The following SPAST variants were observed in gnomAD, a reference collection of about 807,000 sequenced individuals.
The protein encoded by SPAST is spastic paraplegia 4 (autosomal dominant; spastin).
In SPAST, 30 loss-of-function variants were observed where a neutral mutation model predicts 76.6. The ratio of observed to expected loss-of-function variants is 0.39; its 90% CI spans 0.29 to 0.53. The LOEUF (loss-of-function observed/expected upper bound fraction) is 0.53, where lower values mean the gene tolerates loss of function less well. SPAST is among the 20% of genes least tolerant of loss of function. The pLI is 0.68. For missense variants in SPAST, 717 were observed against 770.5 expected, an observed-to-expected ratio of 0.93 and a Z score of 0.82; for synonymous variants, 305 against 281.0, an observed-to-expected ratio of 1.09 and a Z score of -0.86.
chr2:32,076,461 A>G (rs960210542), intron 1 of SPAST, among the ~76,000 whole-genome samples: 3 of 152,064 alleles, frequency 2.0e-5, no homozygotes, highest in African/African-American at 7.2e-5. Flanking sequence ...GCCTCAAGCA[A>G]TCCTCCTACC....
At chr2:32,113,432 T>C (rs1353861002) in intron 4 of SPAST, among the ~76,000 whole-genome samples, 1 of 152,062 alleles carries the variant, frequency 6.6e-6, no homozygotes, top group Non-Finnish European at 1.5e-5. Context: ...CAGACTTTCA[T>C]AGTGTTTATA....
chr2:32,119,590 G>A (rs1678949782), intron 7 of SPAST, among the ~76,000 whole-genome samples: 1 of 152,160 alleles, frequency 6.6e-6, no homozygotes, highest in African/African-American at 2.4e-5. Context: ...AGCCCTGGAA[G>A]GAGATATTGA....
chr2:32,119,593 G>T (rs1277101074), intron 7 of SPAST, among the ~76,000 whole-genome samples: 1 of 152,176 alleles, frequency 6.6e-6, no homozygotes, highest in Non-Finnish European at 1.5e-5. Flanking sequence ...CCTGGAAGGA[G>T]ATATTGAAAA....
chr2:32,156,457 GAAA>G lies in SPAST; in HGVS notation c.*1967_*1969del. 6.6e-6 allele frequency: 1 copy of G among 151,924 alleles called. No homozygotes were observed. The highest frequency in any genetic ancestry group is 3.2e-3 in the Middle Eastern group (1 of 316). 9.4% of individuals were successfully genotyped at this position (151,924 alleles called of 1,614,324 possible). A position where few individuals can be genotyped will look rare whatever the true frequency, so the allele number is the denominator to read the frequency against. On this transcript the variant is annotated 3_prime_UTR_variant, in exon 17 of 17. Coordinates refer to ENST00000315285, the MANE Select transcript of SPAST (RefSeq NM_014946.4). ...AAAATGAGAGTTGAGATAAATAGGG[GAAA>G]AAAAATTTTTTTCAAGCCAGAGCTA...
At chr2:32,145,451 C>A (rs779828223) in intron 15 of SPAST, among the ~76,000 whole-genome samples, 8 of 152,176 alleles carry the variant, frequency 5.3e-5, no homozygotes, top group Non-Finnish European at 8.8e-5. Context: ...AGCCAGTAGA[C>A]TGTGACCCCT....
intron 4 of SPAST, 73 bp downstream of exon 4, chr2:32,098,964 G>A (rs1011818799): frequency 1.0e-6 from 1 of 996,554 alleles, no homozygotes; most frequent in African/African-American, 1.6e-5. Context: ...ACCTGATAAT[G>A]TTGATTTGAT....
intron 1 of SPAST, among the ~76,000 whole-genome samples, chr2:32,065,689 TA>T (rs2148687426): frequency 6.6e-6 from 1 of 152,342 alleles, no homozygotes; most frequent in South Asian, 2.1e-4. Flanking sequence ...CTCAATTAGA[TA>T]CTCACTTGCA....
chr2:32,104,276 C>G (rs188135261), intron 4 of SPAST, among the ~76,000 whole-genome samples: 78 of 152,012 alleles, frequency 5.1e-4, no homozygotes, highest in African/African-American at 1.7e-3. Context: ...GATTGCAAAC[C>G]CTGCTTTTTT....
At position 32,094,302 on chromosome 2, in the gene SPAST, T is replaced by G. The variant is rs577823262; in HGVS notation, c.587-4494T>G. Among the ~76,000 whole-genome samples, 377 of 152,136 alleles carry G rather than the reference T, an allele frequency of 2.5e-3. 6 individuals carry two copies. The South Asian group carries it at 0.036, about 14-fold the overall frequency. The stretch of plus-strand genomic sequence containing the variant: ...GGCGTGATCTCGGCTCACTGCAACC[T>G]CTGCCTCCCGGGTTCAAGCGATTAT... On this transcript the variant is annotated intron_variant, in intron 3 of 16. Transcript: ENST00000315285.
intron 13 of SPAST, among the ~76,000 whole-genome samples, chr2:32,142,481 C>T (rs999802278): frequency 2.6e-5 from 4 of 152,078 alleles, no homozygotes; most frequent in Admixed American, 6.6e-5. Context: ...GTGGCGTGAT[C>T]TCGGCTCACT....
At chr2:32,152,813 T>C (rs1405088902) in intron 16 of SPAST, among the ~76,000 whole-genome samples, 1 of 151,828 alleles carries the variant, frequency 6.6e-6, no homozygotes, top group African/African-American at 2.4e-5. Flanking sequence ...ATTGGCATGC[T>C]CATGGCTCAC....
intron 3 of SPAST, among the ~76,000 whole-genome samples, chr2:32,090,053 C>T (rs1415529393): frequency 1.3e-5 from 2 of 152,230 alleles, no homozygotes; most frequent in Non-Finnish European, 2.9e-5. Context: ...CGTGAGCCAA[C>T]GCGCCCAGCC....
At chr2:32,074,370 G>A (rs1036641319) in intron 1 of SPAST, among the ~76,000 whole-genome samples, 5 of 152,114 alleles carry the variant, frequency 3.3e-5, no homozygotes, top group African/African-American at 1.2e-4. Context: ...GAGTGGTCTT[G>A]TTCCACCGTG....
chr2:32,069,551 C>CTT (rs36023742), intron 1 of SPAST, among the ~76,000 whole-genome samples: 1,458 of 139,486 alleles, frequency 0.01, 29 homozygotes, highest in South Asian at 0.036. Flanking sequence ...CATGACTTAT[C>CTT]TTTTTTTTTT....
chr2:32,107,742 A>C (rs1299384822), intron 4 of SPAST, among the ~76,000 whole-genome samples: 1 of 152,120 alleles, frequency 6.6e-6, no homozygotes. Context: ...CTCAACCCAT[A>C]ATCTTTTCTT....
chr2:32,098,945 TCTTA>T (rs369382255), intron 4 of SPAST, 54 bp downstream of exon 4: 30 of 1,165,796 alleles, frequency 2.6e-5, no homozygotes, highest in African/African-American at 2.6e-4. Context: ...AAAGTAAGAG[TCTTA>T]CTTAACCTGA....
At chr2:32,072,999 G>C (rs750827254) in intron 1 of SPAST, among the ~76,000 whole-genome samples, 46 of 152,124 alleles carry the variant, frequency 3.0e-4, no homozygotes, top group Non-Finnish European at 3.4e-4. Flanking sequence ...TTTTTCTCAA[G>C]ATTATTTACT....
At chr2:32,134,224 C>T (rs930950700) in intron 9 of SPAST, among the ~76,000 whole-genome samples, 5 of 151,966 alleles carry the variant, frequency 3.3e-5, no homozygotes, top group Non-Finnish European at 7.4e-5. Flanking sequence ...TCTGGGGGGC[C>T]GAATGCGGTG....
intron 12 of SPAST, among the ~76,000 whole-genome samples, chr2:32,137,665 T>C (rs1279273801): frequency 1.3e-5 from 2 of 152,224 alleles, no homozygotes; most frequent in African/African-American, 2.4e-5. Context: ...TGTAGTAGTG[T>C]AAAAGTCTGA....
Sources: gnomAD v4.1 joint callset for allele counts (sites outside exome capture counted in the v4.1 genomes callset) on GRCh38, gnomAD v4.1.1 for gene constraint, MANE v1.5 for transcripts, NCBI Gene and HGNC (gene_info 2026-07-23, HGNC 2026-07-21) for gene names.